The following NEK11 variants were observed in gnomAD, a reference collection of about 807,000 sequenced individuals.
NEK11 encodes the protein serine/threonine-protein kinase Nek11.
In NEK11, 72 loss-of-function variants were observed where a neutral mutation model predicts 80.7. The observed-to-expected ratio is 0.89, with a 90% CI of 0.74 to 1.08. The LOEUF (loss-of-function observed/expected upper bound fraction) is 1.08. NEK11 is among the 50% of genes least tolerant of loss of function. The pLI is 0.00. For synonymous variants in NEK11, 251 were observed against 260.7 expected, an observed-to-expected ratio of 0.96 and a Z score of 0.36; for missense variants, 764 against 763.6, an observed-to-expected ratio of 1.00 and a Z score of -0.01.
chr3:131,332,454 A>T (rs1056755719), intron 17 of NEK11, among the ~76,000 whole-genome samples: 18 of 151,988 alleles, frequency 1.2e-4, no homozygotes, highest in Admixed American at 5.3e-4. Context: ...ATCCACACCA[A>T]AAACCCATCT....
chr3:131,119,798 C>T (rs1251453631), intron 5 of NEK11, among the ~76,000 whole-genome samples: 1 of 152,074 alleles, frequency 6.6e-6, no homozygotes, highest in Non-Finnish European at 1.5e-5. Flanking sequence ...GCAACCCCTG[C>T]TTTTATGTTT....
chr3:131,094,109 G>T (rs2077107432), intron 4 of NEK11, among the ~76,000 whole-genome samples: 1 of 150,448 alleles, frequency 6.6e-6, no homozygotes, highest in South Asian at 2.1e-4. Context: ...GGGATCCAAG[G>T]CTTGAGGCCC....
intron 17 of NEK11, among the ~76,000 whole-genome samples, chr3:131,323,576 A>G (rs1210110965): frequency 3.3e-5 from 5 of 152,198 alleles, no homozygotes; most frequent in Admixed American, 3.3e-4. Flanking sequence ...GTAGTTGCCA[A>G]AGGAGAGGCA....
intron 14 of NEK11, among the ~76,000 whole-genome samples, chr3:131,196,595 A>G (rs4974477): frequency 0.81 from 123,407 of 151,748 alleles, 50,273 homozygotes; most frequent in East Asian, 0.93. Context: ...GTAGAGTGGC[A>G]TGATCTTGGC....
chr3:131,042,149 C>T (rs771838515), intron 3 of NEK11, among the ~76,000 whole-genome samples: 4 of 152,196 alleles, frequency 2.6e-5, no homozygotes, highest in East Asian at 1.9e-4. Flanking sequence ...CCCTGGGTTT[C>T]AAGCACAAAA....
chr3:131,136,732 G>A (rs1351387394), intron 7 of NEK11, among the ~76,000 whole-genome samples: 3 of 152,176 alleles, frequency 2.0e-5, no homozygotes, highest in African/African-American at 7.2e-5. Flanking sequence ...TATTTGCAAA[G>A]TTAGGATAAT....
At chr3:131,210,072 T>A (rs944379247) in intron 14 of NEK11, among the ~76,000 whole-genome samples, 1 of 152,212 alleles carries the variant, frequency 6.6e-6, no homozygotes, top group Non-Finnish European at 1.5e-5. Flanking sequence ...TTAATTGTGA[T>A]GTTAAGGTGT....
chr3:131,031,371 A>C (rs1001068493), intron 3 of NEK11, among the ~76,000 whole-genome samples: 2 of 152,174 alleles, frequency 1.3e-5, no homozygotes, highest in South Asian at 2.1e-4. Context: ...TAGAATGATA[A>C]ATTTCTGACA....
Position 131,155,108 on chromosome 3 carries a change from A to T in NEK11, c.949A>T (p.Ile317Leu), listed in dbSNP as rs750705252. Reference protein sequence around the residue: ...NLDCQKEAAHIINAMQKRIHL... With the variant: ...NLDCQKEAAHLINAMQKRIHL... ...GGATTGTCAGAAGGAGGCTGCTCAT[A>T]TAATTAATGCCATGTAAGTAATTGC... The change falls in exon 10 of 18, where the codon ATA becomes TTA. Residue 317 changes from isoleucine (I) to leucine (L), a missense_variant. Coordinates refer to ENST00000383366, the MANE Select transcript of NEK11 (RefSeq NM_024800.5). 4 of 1,605,676 alleles carry T rather than the reference A, an allele frequency of 2.5e-6. No individual in the cohort carries two copies. The South Asian group carries it at 3.3e-5, about 13-fold the overall frequency.
chr3:131,194,921 A>G (rs1000567979), intron 14 of NEK11, among the ~76,000 whole-genome samples: 5 of 152,134 alleles, frequency 3.3e-5, no homozygotes, highest in Non-Finnish European at 5.9e-5. Flanking sequence ...ACAAGTTCTG[A>G]AACTTTCCCA....
intron 14 of NEK11, among the ~76,000 whole-genome samples, chr3:131,173,348 C>T (rs951918015): frequency 2.6e-5 from 4 of 152,126 alleles, no homozygotes; most frequent in African/African-American, 9.7e-5. Context: ...CTCCCAATAC[C>T]TGTGGCTTGT....
At chr3:131,271,781 G>A (rs2096192032) in intron 16 of NEK11, among the ~76,000 whole-genome samples, 1 of 151,238 alleles carries the variant, frequency 6.6e-6, no homozygotes, top group Admixed American at 6.6e-5. Context: ...GGCAACAAGA[G>A]CAAAACTCCA....
At chr3:131,217,226 A>G (rs2094870899) in intron 14 of NEK11, among the ~76,000 whole-genome samples, 1 of 152,214 alleles carries the variant, frequency 6.6e-6, no homozygotes, top group Non-Finnish European at 1.5e-5. Flanking sequence ...GTTGAATTGA[A>G]GTTTTGAGAT....
chr3:131,222,311 A>T (rs911693050), intron 14 of NEK11, among the ~76,000 whole-genome samples: 1 of 152,186 alleles, frequency 6.6e-6, no homozygotes, highest in African/African-American at 2.4e-5. Context: ...ATTCTAGTCT[A>T]CATTGAAGAG....
intron 17 of NEK11, among the ~76,000 whole-genome samples, chr3:131,345,924 A>G (rs1249871553): frequency 2.0e-5 from 3 of 152,200 alleles, no homozygotes; most frequent in South Asian, 2.1e-4. Context: ...ATAGCCAGAC[A>G]TAGGAATAAA....
At chr3:131,073,799 T>A (rs2073866669) in intron 3 of NEK11, among the ~76,000 whole-genome samples, 1 of 152,182 alleles carries the variant, frequency 6.6e-6, no homozygotes, top group African/African-American at 2.4e-5. Flanking sequence ...CTTAACATTT[T>A]CTTATGCATG....
chr3:131,277,730 A>G (rs2096320981), intron 17 of NEK11, among the ~76,000 whole-genome samples: 1 of 152,210 alleles, frequency 6.6e-6, no homozygotes, highest in African/African-American at 2.4e-5. Context: ...GCAGGGGGCA[A>G]GCTGCTGGGA....
intron 4 of NEK11, among the ~76,000 whole-genome samples, chr3:131,107,414 T>A (rs2079375004): frequency 6.6e-6 from 1 of 151,968 alleles, no homozygotes; most frequent in Non-Finnish European, 1.5e-5. Flanking sequence ...GATATTTCTT[T>A]AAGGCAAATT....
chr3:131,080,322 G>A, intron 3 of NEK11, 101 bp from the exon 4 acceptor site: 1 of 836,996 alleles, frequency 1.2e-6, no homozygotes, highest in Non-Finnish European at 1.8e-6. Flanking sequence ...ATATGAGTAG[G>A]TCACAACCTG....
Sources: allele counts gnomAD v4.1 joint callset (sites outside exome capture counted in the v4.1 genomes callset), GRCh38; gene constraint gnomAD v4.1.1; transcripts MANE v1.5; gene names NCBI Gene and HGNC (gene_info 2026-07-23, HGNC 2026-07-21).